The following ATG4B variants were observed in gnomAD, a reference collection of about 807,000 sequenced individuals.
The protein encoded by ATG4B is cysteine protease ATG4B.
In ATG4B, 29 loss-of-function variants were observed where a neutral mutation model predicts 56.6. That is an observed-to-expected ratio of 0.51 (90% CI 0.38 to 0.70). The LOEUF is 0.70. Among genes scored for constraint, ATG4B ranks in the 30% least tolerant of loss-of-function variants. The pLI is 0.00. For missense variants in ATG4B, 461 were observed against 515.5 expected (o/e 0.89, Z 1.02); for synonymous variants, 224 against 206.1 (o/e 1.09, Z -0.74).
intron 4 of ATG4B, 87 bp downstream of exon 4, chr2:241,653,697 C>A: frequency 8.3e-7 from 1 of 1,200,126 alleles, no homozygotes; most frequent in Non-Finnish European, 1.2e-6. Context: ...TTAGAGCAGA[C>A]CACAGGTAAA....
intron 7 of ATG4B, among the ~76,000 whole-genome samples, chr2:241,663,613 G>A (rs867479118): frequency 1.3e-5 from 2 of 151,944 alleles, no homozygotes; most frequent in South Asian, 2.1e-4. Flanking sequence ...TCAAGAATTC[G>A]GAAAAAGCAA....
intron 11 of ATG4B, 101 bp downstream of exon 11, chr2:241,670,883 C>A: frequency 3.2e-6 from 4 of 1,243,364 alleles, no homozygotes; most frequent in Non-Finnish European, 4.6e-6. Flanking sequence ...CTCAGGCAGC[C>A]TCACTGGGCC....
intron 1 of ATG4B, among the ~76,000 whole-genome samples, chr2:241,640,779 A>G (rs6749008): frequency 0.73 from 110,701 of 152,062 alleles, 41,640 homozygotes; most frequent in East Asian, 0.95. Context: ...GGTGTGGCTC[A>G]GGTGCAGCGG....
At chr2:241,664,090 T>G (rs867661195) in intron 7 of ATG4B, among the ~76,000 whole-genome samples, 3 of 152,196 alleles carry the variant, frequency 2.0e-5, no homozygotes, top group South Asian at 4.1e-4. Flanking sequence ...AGTGCTGGGA[T>G]TACAGGCGTG....
At chr2:241,671,133 T>C (rs1441135352) in intron 11 of ATG4B, among the ~76,000 whole-genome samples, 179 bp from the exon 12 acceptor site, 2 of 152,244 alleles carry the variant, frequency 1.3e-5, no homozygotes, top group African/African-American at 4.8e-5. Context: ...CAGACTGTGC[T>C]GTGTGTTGAT....
chr2:241,654,716 C>T, intron 5 of ATG4B, 69 bp downstream of exon 5: 1 of 1,287,964 alleles, frequency 7.8e-7, no homozygotes, highest in Non-Finnish European at 1.1e-6. Context: ...TCGGTTTCCC[C>T]TCAGAGCTTT....
chr2:241,666,934 C>CA, intron 8 of ATG4B, 96 bp downstream of exon 8: 1 of 1,400,680 alleles, frequency 7.1e-7, no homozygotes, highest in Admixed American at 2.1e-5. Flanking sequence ...GCCATTTGTG[C>CA]AGCCGGCTCT....
chr2:241,638,759 A>T (rs2067774872), intron 1 of ATG4B, among the ~76,000 whole-genome samples: 2 of 152,240 alleles, frequency 1.3e-5, no homozygotes, highest in Admixed American at 1.3e-4. Context: ...TGGCTGGAGG[A>T]AACAGGAGCC....
chr2:241,649,985 T>G (rs1403253147), intron 1 of ATG4B, among the ~76,000 whole-genome samples: 2 of 152,098 alleles, frequency 1.3e-5, no homozygotes, highest in African/African-American at 4.8e-5. Context: ...AGTTTCACCA[T>G]GTTGACCAGG....
At chr2:241,654,700 G>C in intron 5 of ATG4B, 53 bp downstream of exon 5, 1 of 1,457,112 alleles carries the variant, frequency 6.9e-7, no homozygotes, top group Non-Finnish European at 9.4e-7. Context: ...GGAGAGGGTG[G>C]AGTGGTCGGT....
intron 1 of ATG4B, 39 bp downstream of exon 1, chr2:241,637,763 G>A: frequency 3.2e-6 from 5 of 1,558,630 alleles, no homozygotes; most frequent in Non-Finnish European, 4.3e-6. Context: ...CGCAGGAGGT[G>A]CTCGCCTTAT....
At chr2:241,653,632 G>A (rs1398113502) in intron 4 of ATG4B, 22 bp downstream of exon 4, 4 of 1,554,256 alleles carry the variant, frequency 2.6e-6, no homozygotes, top group Non-Finnish European at 3.5e-6. Flanking sequence ...CCCTGGGGAG[G>A]GCGCATGGCC....
intron 1 of ATG4B, among the ~76,000 whole-genome samples, chr2:241,648,445 AT>A (rs1280134722): frequency 1.3e-5 from 2 of 152,066 alleles, no homozygotes; most frequent in Non-Finnish European, 2.9e-5. Context: ...AAATACAAGA[AT>A]TAGCTGGGTG....
In ATG4B at chr2:241,655,251, T is replaced by C. The variant is rs914433380; in HGVS notation, c.386-20T>C. 9 of 1,603,986 alleles carry C rather than the reference T, an allele frequency of 5.6e-6. No individual in the cohort carries two copies. Among genetic ancestry groups the C allele is most frequent in the African/African-American group, 2.7e-5 (2 of 74,748 alleles). ...GCTGGGGGCGGGTGTGTGTTGCTAA[T>C]GTGTATCTGTTCCCTGCAGCGCAAA... is the stretch of plus-strand genomic sequence containing the variant. On this transcript the variant is annotated intron_variant, in intron 5 of 12. Coordinates refer to ENST00000404914, the MANE Select transcript of ATG4B (RefSeq NM_013325.5).
chr2:241,638,484 G>A (rs941584587), intron 1 of ATG4B: 1 of 152,176 alleles, frequency 6.6e-6, no homozygotes, highest in Non-Finnish European at 1.5e-5. Flanking sequence ...CGCTAGCCCA[G>A]TAGCCCTAGA....
Position 241,668,348 on chromosome 2 carries a change from T to C in ATG4B, c.811+127T>C, listed in dbSNP as rs556163878. On this transcript the variant is annotated intron_variant, in intron 9 of 12. Coordinates refer to ENST00000404914, the MANE Select transcript of ATG4B (RefSeq NM_013325.5). This position sits in a 1 kb window ranked among gnomAD's most constrained non-coding sequence, Gnocchi z 4.2. ...GAAAAGCAGCATGCCCTGGGGTTCA[T>C]TTTCAGCCTGGTCGCGGGCGGCCTC... 4.3e-6 allele frequency: 6 copies of C among 1,390,226 alleles called. No individual in the cohort carries two copies. In the Admixed American group the frequency reaches 8.1e-5, roughly 19 times the overall value. The allele number at this position is 1,390,226 out of a possible 1,614,324, so 86.1% of individuals were successfully genotyped here.
At chr2:241,653,175 A>C in intron 3 of ATG4B, 2 of 617,054 alleles carry the variant, frequency 3.2e-6, no homozygotes, top group East Asian at 4.4e-5. Flanking sequence ...CCTTTCTGAT[A>C]ATTGGAAAAT....
chr2:241,648,725 A>G (rs1289000255), intron 1 of ATG4B, among the ~76,000 whole-genome samples: 2 of 152,116 alleles, frequency 1.3e-5, no homozygotes, highest in Non-Finnish European at 2.9e-5. Context: ...GCACTACTCT[A>G]GGAAAGGGGC....
intron 7 of ATG4B, among the ~76,000 whole-genome samples, chr2:241,662,605 A>G (rs1440655137): frequency 2.0e-5 from 3 of 152,204 alleles, no homozygotes; most frequent in Non-Finnish European, 4.4e-5. Flanking sequence ...GCTACGCATC[A>G]GCCCTTGAGC....
Sources: allele counts gnomAD v4.1 joint callset (sites outside exome capture counted in the v4.1 genomes callset), GRCh38; gene constraint gnomAD v4.1.1; non-coding constraint Gnocchi (gnomAD v3.1); transcripts MANE v1.5; gene names NCBI Gene and HGNC (gene_info 2026-07-23, HGNC 2026-07-21).